GABPB1: variants seen among roughly 807,000 people sequenced by gnomAD.
GABPB1 encodes the protein GA-binding protein subunit beta-1.
In GABPB1, 15 loss-of-function variants were observed where a neutral mutation model predicts 45.9. That is an observed-to-expected ratio of 0.33 (90% CI 0.22 to 0.50). The LOEUF (loss-of-function observed/expected upper bound fraction) is 0.50, where lower values mean the gene tolerates loss of function less well. Among genes scored for constraint, GABPB1 ranks in the 20% least tolerant of loss-of-function variants. GABPB1 has a pLI of 0.98. For missense variants in GABPB1, 252 were observed against 457.5 expected (o/e 0.55, Z 4.10); for synonymous variants, 143 against 154.4 (o/e 0.93, Z 0.55).
At chr15:50,312,827 AG>A (rs1436358800) in intron 1 of GABPB1, among the ~76,000 whole-genome samples, 4 of 152,188 alleles carry the variant, frequency 2.6e-5, no homozygotes, top group Non-Finnish European at 5.9e-5. Flanking sequence ...GTGAGAGTTT[AG>A]GGCTTTTCCC....
In GABPB1 at chr15:50,328,499, A is replaced by T. The variant is rs547972535; in HGVS notation, c.1-18701T>A. 1.7e-4 allele frequency among the ~76,000 whole-genome samples: 26 copies of T among 152,330 alleles called. No individual in the cohort carries two copies. The East Asian group carries it at 5.0e-3, about 29-fold the overall frequency. ...AACTAAGTCTCTGAAGTTAATTAAA[A>T]TTCGGATTTAATATTTTAGACAAAA... On this transcript the variant is annotated intron_variant, in intron 1 of 8. Coordinates refer to ENST00000380877, the MANE Select transcript of GABPB1 (RefSeq NM_016654.5).
intron 7 of GABPB1, among the ~76,000 whole-genome samples, chr15:50,288,239 T>G (rs1241425406): frequency 6.6e-6 from 1 of 152,098 alleles, no homozygotes; most frequent in African/African-American, 2.4e-5. Flanking sequence ...TTTATTTTTG[T>G]AGAGATGAGT....
intron 8 of GABPB1, chr15:50,282,540 T>C (rs1376614532): frequency 3.4e-5 from 2 of 58,230 alleles, no homozygotes; most frequent in African/African-American, 1.2e-4. Context: ...GGTGACAAAG[T>C]GAGACCCTGC....
At chr15:50,292,844 A>ATGTGTG (rs1234111426) in intron 6 of GABPB1, among the ~76,000 whole-genome samples, 26 of 83,440 alleles carry the variant, frequency 3.1e-4, no homozygotes, top group South Asian at 7.2e-4. Context: ...AAAAGTGTGT[A>ATGTGTG]TATGTGTGTG....
chr15:50,337,139 G>C (rs1263777632), intron 1 of GABPB1, among the ~76,000 whole-genome samples: 3 of 112,176 alleles, frequency 2.7e-5, no homozygotes, highest in African/African-American at 3.3e-5. Flanking sequence ...AATATGAAGA[G>C]GTCAGAGCCC....
intron 1 of GABPB1, among the ~76,000 whole-genome samples, chr15:50,323,921 G>A (rs1414734624): frequency 5.9e-5 from 9 of 152,060 alleles, no homozygotes; most frequent in Admixed American, 5.9e-4. Flanking sequence ...TTAAAAAAAT[G>A]GCTGGGTGTG....
intron 1 of GABPB1, among the ~76,000 whole-genome samples, chr15:50,318,323 C>T (rs2047424756): frequency 6.6e-6 from 1 of 152,138 alleles, no homozygotes; most frequent in Non-Finnish European, 1.5e-5. Flanking sequence ...TTTAGTGTCT[C>T]CCAGTGTAAT....
chr15:50,345,494 G>A (rs1595847555), intron 1 of GABPB1, among the ~76,000 whole-genome samples: 1 of 152,120 alleles, frequency 6.6e-6, no homozygotes, highest in East Asian at 1.9e-4. Flanking sequence ...CTGAGCCTGG[G>A]GAGGTCAAGG....
At chr15:50,316,634 ACT>A (rs1278496897) in intron 1 of GABPB1, among the ~76,000 whole-genome samples, 1 of 152,110 alleles carries the variant, frequency 6.6e-6, no homozygotes, top group East Asian at 1.9e-4. Context: ...AAATGTTCAT[ACT>A]CTTTGACCTA....
chr15:50,285,185 A>C (rs2046111965), intron 8 of GABPB1, among the ~76,000 whole-genome samples: 1 of 152,206 alleles, frequency 6.6e-6, no homozygotes, highest in African/African-American at 2.4e-5. Context: ...CACGTATCAG[A>C]TATAAATATT....
At chr15:50,312,238 A>G (rs1041197210) in intron 1 of GABPB1, among the ~76,000 whole-genome samples, 20 of 152,194 alleles carry the variant, frequency 1.3e-4, no homozygotes, top group Non-Finnish European at 1.0e-4. Flanking sequence ...AAAAAAAATA[A>G]TCTATATTAT....
intron 2 of GABPB1, among the ~76,000 whole-genome samples, chr15:50,305,817 T>C (rs1225405355): frequency 6.6e-6 from 1 of 152,140 alleles, no homozygotes; most frequent in Non-Finnish European, 1.5e-5. Context: ...GGTCTCACTC[T>C]GTCACTCAGG....
intron 1 of GABPB1, among the ~76,000 whole-genome samples, chr15:50,317,135 C>A (rs1595791493): frequency 6.6e-6 from 1 of 152,138 alleles, no homozygotes. Flanking sequence ...GTGGCTCATG[C>A]CTGTAATCCC....
At chr15:50,336,516 T>G (rs1359577502) in intron 1 of GABPB1, among the ~76,000 whole-genome samples, 7 of 150,072 alleles carry the variant, frequency 4.7e-5, no homozygotes, top group Non-Finnish European at 1.0e-4. Context: ...ACAAAAAAAT[T>G]TAAAAAAATT....
intron 1 of GABPB1, among the ~76,000 whole-genome samples, chr15:50,311,893 C>T (rs748251270): frequency 2.6e-5 from 4 of 152,074 alleles, no homozygotes; most frequent in Non-Finnish European, 5.9e-5. Flanking sequence ...AGATTAGCTA[C>T]GATGGGAATA....
intron 1 of GABPB1, among the ~76,000 whole-genome samples, chr15:50,340,959 CATATTACATATGGTTTATTACCATATGTA>C (rs2048351332): frequency 4.4e-5 from 1 of 22,984 alleles, no homozygotes; most frequent in Non-Finnish European, 9.3e-5. Flanking sequence ...TGTAATATTA[CATATTACATATGGTTTATTACCATATGTA>C]ATATTACATA....
Position 50,276,349 on chromosome 15 carries a change from C to T in GABPB1, c.*2283G>A, listed in dbSNP as rs187881858. The stretch of plus-strand genomic sequence containing the variant: ...TGAAATAAGTGAAGGGAAGAAGACA[C>T]CCATTTTAAGTTTTAATTACAAATT... On this transcript the variant is annotated 3_prime_UTR_variant, in exon 9 of 9. Coordinates refer to ENST00000380877, the MANE Select transcript of GABPB1 (RefSeq NM_016654.5). The T allele has an allele frequency of 1.1e-4, 17 of 152,298 alleles. No individual in the cohort carries two copies. Among genetic ancestry groups the T allele is most frequent in the African/African-American group, 3.6e-4 (15 of 41,554 alleles). The allele number at this position is 152,298 out of a possible 1,614,324, so 9.4% of individuals were successfully genotyped here.
Position 50,302,919 on chromosome 15 carries a change from C to A in GABPB1, c.471+10G>T, listed in dbSNP as rs767323518. On this transcript the variant is annotated intron_variant, in intron 4 of 8. Coordinates refer to ENST00000380877, the MANE Select transcript of GABPB1 (RefSeq NM_016654.5). Reference sequence around the variant, plus strand: ...TTCTTTATTTTCTTAAATTAAAAGCCAAAAGTTACCTGTAATATCTCTGCT... The same window carrying A: ...TTCTTTATTTTCTTAAATTAAAAGCAAAAAGTTACCTGTAATATCTCTGCT... The A allele has an allele frequency of 1.1e-5, 17 of 1,585,310 alleles. No individual in the cohort carries two copies. The highest frequency in any genetic ancestry group is 1.5e-5 in the Non-Finnish European group (17 of 1,162,338).
chr15:50,315,721 T>C (rs964835088), intron 1 of GABPB1, among the ~76,000 whole-genome samples: 2 of 152,230 alleles, frequency 1.3e-5, no homozygotes, highest in African/African-American at 2.4e-5. Flanking sequence ...GACAACTACA[T>C]TGACCAAGGG....
Sources: allele counts gnomAD v4.1 joint callset (sites outside exome capture counted in the v4.1 genomes callset), GRCh38; gene constraint gnomAD v4.1.1; transcripts MANE v1.5; gene names NCBI Gene and HGNC (gene_info 2026-07-23, HGNC 2026-07-21).